Variants in ADAMTS3 observed in about 807,000 individuals in gnomAD.
The protein encoded by ADAMTS3 is ADAM metallopeptidase with thrombospondin type 1 motif 3.
In ADAMTS3, 73 loss-of-function variants were observed where a neutral mutation model predicts 129.0. The observed-to-expected ratio is 0.57, with a 90% CI of 0.47 to 0.69. The LOEUF (loss-of-function observed/expected upper bound fraction) is 0.69. Among genes scored for constraint, ADAMTS3 ranks in the 30% least tolerant of loss-of-function variants. The pLI is 0.00. For synonymous variants in ADAMTS3, 477 were observed against 510.8 expected (o/e 0.93, Z 0.89); for missense variants, 1,457 against 1,514.5 (o/e 0.96, Z 0.63).
chr4:72,383,221 T>G (rs1304087213), intron 4 of ADAMTS3, among the ~76,000 whole-genome samples: 1 of 152,116 alleles, frequency 6.6e-6, no homozygotes. Flanking sequence ...AATCCTCTTG[T>G]AGATAACTAT....
rs1377576867 is a variant in ADAMTS3, at chr4:72,323,206, T to C, written c.862-109A>G. 3.8e-6 allele frequency: 3 copies of C among 792,824 alleles called. No homozygotes were observed. The East Asian group carries it at 7.4e-5, about 20-fold the overall frequency. The allele number at this position is 792,824 out of a possible 1,614,324, so 49.1% of individuals were successfully genotyped here. A position where few individuals can be genotyped will look rare whatever the true frequency, so the allele number is the denominator to read the frequency against. On this transcript the variant is annotated intron_variant, in intron 5 of 21. Transcript: ENST00000286657. Reference sequence around the variant, plus strand: ...CAAATAGGTGAGTAAATTGCTGTTTTTAAATTGAGTTTAATAGCTGAACTC... The same window carrying C: ...CAAATAGGTGAGTAAATTGCTGTTTCTAAATTGAGTTTAATAGCTGAACTC...
chr4:72,336,910 T>G (rs1209818882), intron 5 of ADAMTS3, among the ~76,000 whole-genome samples: 1 of 149,086 alleles, frequency 6.7e-6, no homozygotes, highest in Non-Finnish European at 1.5e-5. Flanking sequence ...CATATGTCCC[T>G]GGGAACTGAC....
intron 4 of ADAMTS3, among the ~76,000 whole-genome samples, chr4:72,390,928 T>A (rs896098190): frequency 6.6e-6 from 1 of 151,538 alleles, no homozygotes; most frequent in African/African-American, 2.4e-5. Flanking sequence ...ACTTTTTTTT[T>A]AAAGCTTCTT....
At chr4:72,344,046 T>C (rs1421077130) in intron 4 of ADAMTS3, among the ~76,000 whole-genome samples, 13 of 152,196 alleles carry the variant, frequency 8.5e-5, no homozygotes, top group Admixed American at 8.5e-4. Context: ...TTTGCAGAAG[T>C]GATCATTTTA....
At chr4:72,503,525 T>C (rs1434924739) in intron 3 of ADAMTS3, among the ~76,000 whole-genome samples, 1 of 152,204 alleles carries the variant, frequency 6.6e-6, no homozygotes, top group Non-Finnish European at 1.5e-5. Context: ...TGGCCAAGCA[T>C]GTGGTCTATC....
intron 3 of ADAMTS3, among the ~76,000 whole-genome samples, chr4:72,536,384 A>G (rs139632498): frequency 6.6e-6 from 1 of 152,330 alleles, no homozygotes; most frequent in Non-Finnish European, 1.5e-5. Context: ...GTGGAAGACT[A>G]TATTTTCCAC....
At chr4:72,389,720 A>G (rs1482683434) in intron 4 of ADAMTS3, among the ~76,000 whole-genome samples, 1 of 152,206 alleles carries the variant, frequency 6.6e-6, no homozygotes, top group Non-Finnish European at 1.5e-5. Flanking sequence ...CTCCTGAAAA[A>G]TATTTTGGAA....
At chr4:72,415,184 T>C (rs1410544859) in intron 3 of ADAMTS3, among the ~76,000 whole-genome samples, 1 of 152,016 alleles carries the variant, frequency 6.6e-6, no homozygotes, top group Admixed American at 6.6e-5. Context: ...AAAATTCATA[T>C]TAAGGTATTA....
intron 3 of ADAMTS3, among the ~76,000 whole-genome samples, chr4:72,490,742 T>C (rs1260735366): frequency 6.6e-6 from 1 of 151,910 alleles, no homozygotes; most frequent in Non-Finnish European, 1.5e-5. Context: ...TGTAGCTTTG[T>C]AATAAAATTT....
chr4:72,447,734 A>C (rs1718296335), intron 3 of ADAMTS3, among the ~76,000 whole-genome samples: 1 of 151,750 alleles, frequency 6.6e-6, no homozygotes, highest in Admixed American at 6.6e-5. Context: ...AACATAAAGA[A>C]GCACAGTTGG....
chr4:72,436,073 A>G (rs188427431), intron 3 of ADAMTS3, among the ~76,000 whole-genome samples: 7 of 152,232 alleles, frequency 4.6e-5, no homozygotes, highest in African/African-American at 1.7e-4. Flanking sequence ...GGCAACCTAC[A>G]GAATGGGAGA....
intron 2 of ADAMTS3, among the ~76,000 whole-genome samples, chr4:72,555,103 C>G (rs1721730286): frequency 6.6e-6 from 1 of 151,734 alleles, no homozygotes; most frequent in Non-Finnish European, 1.5e-5. Flanking sequence ...TATAGATTCA[C>G]AAAATCTGTA....
intron 5 of ADAMTS3, among the ~76,000 whole-genome samples, chr4:72,334,543 C>T (rs149832734): frequency 6.6e-6 from 1 of 152,200 alleles, no homozygotes; most frequent in African/African-American, 2.4e-5. Flanking sequence ...AATTTTAAAA[C>T]TCTACTCTCT....
In ADAMTS3 at chr4:72,309,460, C is replaced by T; in HGVS notation, c.2116G>A (p.Gly706Arg). The T allele has an allele frequency of 1.9e-6, 3 of 1,612,176 alleles. No homozygotes were observed. The highest frequency in any genetic ancestry group is 8.5e-7 in the Non-Finnish European group (1 of 1,178,690). The change falls in exon 15 of 22, where the codon GGA (glycine) becomes AGA (arginine). Residue 706 changes from glycine to arginine, a missense_variant. Physicochemically the swap from Gly to Arg is moderately radical, Grantham distance 125. Transcript: ENST00000286657. ...GTTCGGCAGTGGGAATTATCTCCTC[C>T]ACAGACACCACACTTATCCTCAACC... Reference protein sequence around the residue: ...NKVEDKCGVCGGDNSHCRTVK... With the variant: ...NKVEDKCGVCRGDNSHCRTVK...
At chr4:72,545,432 A>C (rs1003475881) in intron 3 of ADAMTS3, among the ~76,000 whole-genome samples, 1 of 152,146 alleles carries the variant, frequency 6.6e-6, no homozygotes, top group Non-Finnish European at 1.5e-5. Context: ...AAACCTCAGG[A>C]AGGGAGCAAT....
chr4:72,566,235 T>A (rs569326353), intron 2 of ADAMTS3, among the ~76,000 whole-genome samples: 1 of 152,320 alleles, frequency 6.6e-6, no homozygotes, highest in Non-Finnish European at 1.5e-5. Flanking sequence ...TTTTGATATA[T>A]GCTCATATAT....
chr4:72,373,402 A>G (rs1282192449), intron 4 of ADAMTS3, among the ~76,000 whole-genome samples: 1 of 152,338 alleles, frequency 6.6e-6, no homozygotes, highest in East Asian at 1.9e-4. Context: ...TAACAATAAA[A>G]TGAATTTAAA....
intron 3 of ADAMTS3, among the ~76,000 whole-genome samples, chr4:72,454,078 T>C (rs983288998): frequency 2.2e-4 from 34 of 151,318 alleles, no homozygotes; most frequent in Admixed American, 1.3e-4. Context: ...TTTATGCTCA[T>C]TCACAAAGAT....
intron 3 of ADAMTS3, among the ~76,000 whole-genome samples, chr4:72,477,629 G>T: frequency 6.6e-6 from 1 of 152,026 alleles, no homozygotes; most frequent in Non-Finnish European, 1.5e-5. Context: ...ACAATTAAAA[G>T]ATCTAGAAAA....
Sources: gnomAD v4.1 joint callset for allele counts (sites outside exome capture counted in the v4.1 genomes callset) on GRCh38, gnomAD v4.1.1 for gene constraint, MANE v1.5 for transcripts, NCBI Gene and HGNC (gene_info 2026-07-23, HGNC 2026-07-21) for gene names.